PRR16: variants seen among roughly 807,000 people sequenced by gnomAD.
PRR16 encodes the protein proline rich 16, also known as protein Largen.
Under a neutral mutation model 18.2 loss-of-function variants are expected in PRR16, and 6 were observed. The observed-to-expected ratio is 0.33, with a 90% CI of 0.18 to 0.65. The LOEUF (loss-of-function observed/expected upper bound fraction) is 0.65. Ranked by LOEUF, PRR16 falls within the 30% of genes least tolerant of loss-of-function variation. The pLI is 0.74. For synonymous variants in PRR16, 151 were observed against 147.8 expected, an observed-to-expected ratio of 1.02 and a Z score of -0.16; for missense variants, 412 against 376.6, an observed-to-expected ratio of 1.09 and a Z score of -0.78.
At chr5:120,541,511 G>T (rs1240495443) in intron 1 of PRR16, among the ~76,000 whole-genome samples, 5 of 152,142 alleles carry the variant, frequency 3.3e-5, no homozygotes, top group African/African-American at 1.2e-4. Flanking sequence ...TCGTCACAAG[G>T]TGTGATTTTG....
intron 1 of PRR16, among the ~76,000 whole-genome samples, chr5:120,575,351 A>ACACACACACACACC (rs1753040775): frequency 6.6e-6 from 1 of 151,600 alleles, no homozygotes; most frequent in African/African-American, 2.4e-5. Context: ...ACACACACAC[A>ACACACACACACACC]CACGAAAACT....
intron 1 of PRR16, among the ~76,000 whole-genome samples, chr5:120,640,482 C>G (rs1275625987): frequency 7.9e-5 from 12 of 151,986 alleles, no homozygotes; most frequent in Non-Finnish European, 2.9e-5. Flanking sequence ...AATATAATGC[C>G]CCCCATAATA....
chr5:120,698,027 G>A, the PRR16 span, among the ~76,000 whole-genome samples: 25 of 152,022 alleles, frequency 1.6e-4, no homozygotes, highest in Non-Finnish European at 3.4e-4. Context: ...TGGACTCAGA[G>A]GCCCGACATT....
the PRR16 span, among the ~76,000 whole-genome samples, chr5:120,707,104 G>C: frequency 6.6e-6 from 1 of 152,128 alleles, no homozygotes; most frequent in Non-Finnish European, 1.5e-5. Context: ...ACAATTGAAG[G>C]GTTTCTAAAC....
the PRR16 span, among the ~76,000 whole-genome samples, chr5:120,723,948 GA>G: frequency 6.7e-6 from 1 of 150,188 alleles, no homozygotes; most frequent in Non-Finnish European, 1.5e-5. Context: ...ATAAGAAAAT[GA>G]AAAAATACAG....
At chr5:120,716,909 G>C in the PRR16 span, among the ~76,000 whole-genome samples, 1 of 151,890 alleles carries the variant, frequency 6.6e-6, no homozygotes, top group Admixed American at 6.6e-5. Context: ...AAAAATCATG[G>C]TCCTTGAATG....
the PRR16 span, among the ~76,000 whole-genome samples, chr5:120,751,328 A>C: frequency 6.6e-6 from 1 of 152,258 alleles, no homozygotes; most frequent in East Asian, 1.9e-4. Context: ...TTCTATGTTT[A>C]GTTTTTTTGA....
intron 1 of PRR16, among the ~76,000 whole-genome samples, chr5:120,557,865 T>G (rs1054442150): frequency 1.3e-5 from 2 of 151,892 alleles, no homozygotes; most frequent in Non-Finnish European, 2.9e-5. Context: ...TCATGCTACT[T>G]GGAACCTCAT....
chr5:120,576,758 T>C (rs2112746216), intron 1 of PRR16, among the ~76,000 whole-genome samples: 1 of 152,208 alleles, frequency 6.6e-6, no homozygotes, highest in East Asian at 1.9e-4. Context: ...GACTGGAATT[T>C]ACACCATCAA....
chr5:120,645,140 CAA>C (rs1275256361), intron 1 of PRR16, among the ~76,000 whole-genome samples: 2 of 152,048 alleles, frequency 1.3e-5, no homozygotes, highest in Non-Finnish European at 2.9e-5. Flanking sequence ...GTTATGGAAA[CAA>C]GACATGAGTC....
the PRR16 span, among the ~76,000 whole-genome samples, chr5:120,741,681 A>C: frequency 6.6e-6 from 1 of 152,036 alleles, no homozygotes; most frequent in African/African-American, 2.4e-5. Flanking sequence ...GGCTCACTGC[A>C]GCCTCCGCCT....
At chr5:120,710,712 T>C in the PRR16 span, 1 of 152,206 alleles carries the variant, frequency 6.6e-6, no homozygotes, top group Non-Finnish European at 1.5e-5. Flanking sequence ...ACAGTGATTG[T>C]TAAAAATTGC....
chr5:120,580,866 G>A (rs935659906), intron 1 of PRR16, among the ~76,000 whole-genome samples: 3 of 152,312 alleles, frequency 2.0e-5, no homozygotes, highest in Non-Finnish European at 4.4e-5. Context: ...GCATCCCAGG[G>A]ATGAAGCCAA....
At chr5:120,517,860 T>C (rs532504052) in intron 1 of PRR16, among the ~76,000 whole-genome samples, 147 of 152,332 alleles carry the variant, frequency 9.6e-4, no homozygotes, top group South Asian at 1.9e-3. Context: ...CACTGCTCTC[T>C]TTGTGATCTT....
At chr5:120,640,077 G>A (rs4413562) in intron 1 of PRR16, among the ~76,000 whole-genome samples, 140,272 of 152,134 alleles carry the variant, frequency 0.92, 64,658 homozygotes, top group East Asian at 0.94. Context: ...ATTTATAAGT[G>A]GGAGCTAAGC....
At chr5:120,580,279 T>C (rs1429205885) in intron 1 of PRR16, among the ~76,000 whole-genome samples, 1 of 152,036 alleles carries the variant, frequency 6.6e-6, no homozygotes, top group Non-Finnish European at 1.5e-5. Context: ...TGAATAGGAG[T>C]GGTGAGAGAG....
the PRR16 span, among the ~76,000 whole-genome samples, chr5:120,714,094 T>A: frequency 6.6e-6 from 1 of 152,236 alleles, no homozygotes; most frequent in African/African-American, 2.4e-5. Flanking sequence ...AAACAATTTC[T>A]TCTTTGTGCT....
chr5:120,485,295 A>C (rs1749757895), intron 1 of PRR16, among the ~76,000 whole-genome samples: 2 of 152,300 alleles, frequency 1.3e-5, no homozygotes, highest in South Asian at 4.1e-4. Context: ...TTTCTTTAAA[A>C]TGTTTTGCAT....
downstream of PRR16, among the ~76,000 whole-genome samples, chr5:120,689,165 C>T (rs1157300972): frequency 6.6e-6 from 1 of 152,074 alleles, no homozygotes; most frequent in Non-Finnish European, 1.5e-5. Context: ...ACTCTTAGGA[C>T]TTATTTTGAA....
Sources: gnomAD v4.1 joint callset for allele counts (sites outside exome capture counted in the v4.1 genomes callset) on GRCh38, gnomAD v4.1.1 for gene constraint, MANE v1.5 for transcripts, NCBI Gene and HGNC (gene_info 2026-07-23, HGNC 2026-07-21) for gene names.